The following RECQL5 variants were observed in gnomAD, a reference collection of about 807,000 sequenced individuals.
RECQL5 encodes RecQ like helicase 5.
RECQL5 carries 88 observed loss-of-function variants against 103.4 expected under a neutral mutation model. The observed-to-expected ratio is 0.85, with a 90% CI of 0.72 to 1.02. The LOEUF is 1.02. Among genes scored for constraint, RECQL5 ranks in the 50% least tolerant of loss-of-function variants. The pLI, the probability that RECQL5 is intolerant of heterozygous loss-of-function variation, is 0.00. For missense variants in RECQL5, 1,232 were observed against 1,284.3 expected (o/e 0.96, Z 0.62); for synonymous variants, 552 against 507.9 (o/e 1.09, Z -1.17).
chr17:75,647,323 G>A, intron 8 of RECQL5: 1 of 1,478,538 alleles, frequency 6.8e-7, no homozygotes, highest in Non-Finnish European at 9.1e-7. Context: ...CCTGGGACAG[G>A]GCCTGGGAGG....
chr17:75,634,106 AG>A, intron 8 of RECQL5: 1 of 985,556 alleles, frequency 1.0e-6, no homozygotes, highest in Non-Finnish European at 1.2e-6. Context: ...TGAGGCGCCC[AG>A]GGGAGCAGCG....
Position 75,627,082 on chromosome 17 carries a change from C to A in RECQL5, c.*340G>T. On this transcript the variant is annotated 3_prime_UTR_variant, in exon 20 of 20. Coordinates refer to ENST00000317905, the MANE Select transcript of RECQL5 (RefSeq NM_004259.7). Reference sequence around the variant, plus strand: ...GGTTCCGATACCTTGGACAGGTGGGCCTCATCCTGACTTAGAACTCGGGGA... The same window carrying A: ...GGTTCCGATACCTTGGACAGGTGGGACTCATCCTGACTTAGAACTCGGGGA... 1 of 476,668 alleles carries A rather than the reference C, an allele frequency of 2.1e-6. No homozygotes were observed. Among genetic ancestry groups the A allele is most frequent in the Non-Finnish European group, 4.1e-6 (1 of 242,300 alleles). 29.5% of individuals were successfully genotyped at this position (476,668 alleles called of 1,614,324 possible).
In RECQL5 at chr17:75,630,997, T is replaced by G; in HGVS notation, c.1562A>C (p.Lys521Thr). The G allele has an allele frequency of 3.7e-6, 6 of 1,613,888 alleles. No individual in the cohort carries two copies. In the Middle Eastern group the frequency reaches 8.2e-4, roughly 222 times the overall value. The change falls in exon 11 of 20, where the codon AAG becomes ACG. Residue 521 changes from lysine (K) to threonine (T), a missense_variant. Lys to Thr is a moderately conservative substitution (Grantham distance 78). Coordinates refer to ENST00000317905, the MANE Select transcript of RECQL5 (RefSeq NM_004259.7). ...ACCTGGGGGTACAAATTCTTCTATCTTGGGGTCTTTGCCCTGGAGGACAAC... is the reference window on the plus strand; with the variant it reads ...ACCTGGGGGTACAAATTCTTCTATCGTGGGGTCTTTGCCCTGGAGGACAAC... ...QMQLRKGKDP[K>T]IEEFVPPDEN...
intron 6 of RECQL5, among the ~76,000 whole-genome samples, chr17:75,659,801 T>C (rs1214072687): frequency 1.3e-5 from 2 of 152,226 alleles, no homozygotes; most frequent in East Asian, 3.8e-4. Context: ...AAGGTATTAT[T>C]ATTTGTCGTT....
At chr17:75,628,134 G>T in intron 18 of RECQL5, 84 bp downstream of exon 18, 1 of 1,227,758 alleles carries the variant, frequency 8.1e-7, no homozygotes, top group Non-Finnish European at 1.2e-6. Context: ...CTGTGTTCTG[G>T]GGCTCAAACT....
chr17:75,655,885 T>C (rs1861040802), intron 7 of RECQL5, among the ~76,000 whole-genome samples: 2 of 151,972 alleles, frequency 1.3e-5, no homozygotes, highest in Non-Finnish European at 2.9e-5. Context: ...CTTCACTATG[T>C]TGGGCCGGAT....
In RECQL5 at chr17:75,661,842, C is replaced by T. The variant is rs116517416; in HGVS notation, c.772-134G>A. On this transcript the variant is annotated intron_variant, in intron 4 of 19. Transcript: ENST00000317905. ...TTCAGTCTCTTCTGAGGCAGGACAC[C>T]CAGTGAGGCTCTGTCACTTTATAAA... The T allele has an allele frequency of 3.8e-3, 2,396 of 624,004 alleles. 37 individuals carry two copies. In the African/African-American group the frequency reaches 0.04, roughly 10 times the overall value. 38.7% of individuals were successfully genotyped at this position (624,004 alleles called of 1,614,324 possible). A position where few individuals can be genotyped will look rare whatever the true frequency, so the allele number is the denominator to read the frequency against.
chr17:75,645,768 G>A (rs2059481774), intron 8 of RECQL5, among the ~76,000 whole-genome samples: 1 of 152,180 alleles, frequency 6.6e-6, no homozygotes, highest in Non-Finnish European at 1.5e-5. Context: ...ATCCAACCCT[G>A]GCCACACCTG....
At chr17:75,655,649 C>T (rs947568947) in intron 7 of RECQL5, among the ~76,000 whole-genome samples, 4 of 152,096 alleles carry the variant, frequency 2.6e-5, no homozygotes, top group African/African-American at 9.7e-5. Flanking sequence ...CAGGCGTGAG[C>T]CACCGCACCT....
intron 6 of RECQL5, among the ~76,000 whole-genome samples, chr17:75,658,826 ATATT>A (rs1207887732): frequency 1.3e-5 from 2 of 152,206 alleles, no homozygotes; most frequent in Non-Finnish European, 1.5e-5. Context: ...GAAAGGAATA[ATATT>A]TATTAAATAC....
chr17:75,665,080 C>A lies in RECQL5; in HGVS notation c.223G>T (p.Val75Leu). 6.2e-7 allele frequency: 1 copy of A among 1,611,580 alleles called. No homozygotes were observed. Among genetic ancestry groups the A allele is most frequent in the Non-Finnish European group, 8.5e-7 (1 of 1,179,140 alleles). Residue 75 changes from valine to leucine, a missense_variant, in exon 3 of 20, where the codon GTA (valine) becomes TTA (leucine). Coordinates refer to ENST00000317905, the MANE Select transcript of RECQL5 (RefSeq NM_004259.7). Reference protein sequence around the residue: ...PALLAKGITIVVSPLIALIQD... With the variant: ...PALLAKGITILVSPLIALIQD... ...ATCAAAGCAATGAGAGGAGAGACTA[C>A]AATGGTGATGCCTTTGGCCAACAGA...
chr17:75,657,024 G>A (rs1033760099), intron 7 of RECQL5, among the ~76,000 whole-genome samples: 20 of 152,120 alleles, frequency 1.3e-4, no homozygotes, highest in Admixed American at 4.6e-4. Context: ...GATTACAGGC[G>A]TAAGCCATCG....
intron 8 of RECQL5, chr17:75,649,406 A>C (rs2059527863): frequency 1.3e-5 from 2 of 153,942 alleles, no homozygotes. Context: ...TAGTTAACTG[A>C]CCTGAGTATC....
rs1170483968 is a variant in RECQL5 at position 75,640,899 on chromosome 17, G to A, written c.1230-9231C>T. 19 of 1,543,110 alleles carry A rather than the reference G, an allele frequency of 1.2e-5. No individual in the cohort carries two copies. The African/African-American group carries it at 1.6e-4, about 13-fold the overall frequency. On this transcript the variant is annotated intron_variant, in intron 8 of 19. Coordinates refer to ENST00000317905, the MANE Select transcript of RECQL5 (RefSeq NM_004259.7). The surrounding 1 kb of genome is among the most constrained non-coding windows in gnomAD (Gnocchi z 4.6). ...CAGGTGCAGCCGACACCACCATGAC[G>A]GACGGGCGATGGCTGAGGAGAAGCT... is the stretch of plus-strand genomic sequence containing the variant.
intron 8 of RECQL5, chr17:75,638,165 T>G (rs988557812): frequency 6.6e-6 from 1 of 151,926 alleles, no homozygotes; most frequent in Non-Finnish European, 1.5e-5. Context: ...ATCTTCTGCC[T>G]GCTACCCTCA....
At position 75,667,107 on chromosome 17, in the gene RECQL5, AC is replaced by A; in HGVS notation, c.-79del. ...TGGCTGGTTCCGGAACTGTTCGAAGACCCCTATACACAACCCCAACTCAGAG... is the reference window on the plus strand; with the variant it reads ...TGGCTGGTTCCGGAACTGTTCGAAGACCCTATACACAACCCCAACTCAGAG... On this transcript the variant is annotated 5_prime_UTR_variant, in exon 1 of 20. Transcript: ENST00000317905. The A allele has an allele frequency of 2.2e-6, 1 of 457,700 alleles. No homozygotes were observed. 28.4% of individuals were successfully genotyped at this position (457,700 alleles called of 1,614,324 possible). A position where few individuals can be genotyped will look rare whatever the true frequency, so the allele number is the denominator to read the frequency against.
chr17:75,650,599 A>G (rs2059542027), intron 8 of RECQL5: 2 of 1,596,746 alleles, frequency 1.3e-6, no homozygotes, highest in African/African-American at 1.3e-5. Context: ...TTTTTAGACC[A>G]AAATGTAAAA....
At chr17:75,663,039 A>C in intron 3 of RECQL5, 42 bp from the exon 4 acceptor site, 2 of 1,537,934 alleles carry the variant, frequency 1.3e-6, no homozygotes, top group Admixed American at 4.1e-5. Context: ...CTCAGGACTC[A>C]GGTAAACATC....
chr17:75,651,124 C>T (rs201468467), intron 8 of RECQL5, 62 bp downstream of exon 8: 7 of 1,613,148 alleles, frequency 4.3e-6, no homozygotes, highest in Non-Finnish European at 5.9e-6. Context: ...TTAACTAGGG[C>T]GTGCCGGGGA....
Sources: allele counts gnomAD v4.1 joint callset (sites outside exome capture counted in the v4.1 genomes callset), GRCh38; gene constraint gnomAD v4.1.1; non-coding constraint Gnocchi (gnomAD v3.1); transcripts MANE v1.5; gene names NCBI Gene and HGNC (gene_info 2026-07-23, HGNC 2026-07-21).